The following STX8 variants were observed in gnomAD, a reference collection of about 807,000 sequenced individuals.
The protein encoded by STX8 is syntaxin 8.
A neutral mutation model predicts 37.5 loss-of-function variants in STX8; 23 were observed. The ratio of observed to expected loss-of-function variants is 0.61; its 90% confidence interval spans 0.44 to 0.87. The LOEUF (loss-of-function observed/expected upper bound fraction) is 0.87. STX8 is among the 40% of genes least tolerant of loss of function. The pLI is 0.00. For synonymous variants in STX8, 115 were observed against 99.1 expected (o/e 1.16, Z -0.95); for missense variants, 313 against 284.7 (o/e 1.10, Z -0.71).
In STX8 at chr17:9,557,537, A is replaced by G. The variant is rs1907029230; in HGVS notation, c.118-9T>C. Reference sequence around the variant, plus strand: ...CTGATTGTCACGGTAAGCTGAAAAGAAAAGAACACATCCTAAGTATTCTAG... The same window carrying G: ...CTGATTGTCACGGTAAGCTGAAAAGGAAAGAACACATCCTAAGTATTCTAG... On this transcript the variant is annotated splice_polypyrimidine_tract_variant and intron_variant, in intron 2 of 7. Coordinates refer to ENST00000306357, the MANE Select transcript of STX8 (RefSeq NM_004853.3). 6.2e-7 allele frequency: 1 copy of G among 1,612,240 alleles called. No individual in the cohort carries two copies. Among genetic ancestry groups the G allele is most frequent in the Non-Finnish European group, 8.5e-7 (1 of 1,178,360 alleles).
intron 6 of STX8, among the ~76,000 whole-genome samples, chr17:9,404,950 T>A (rs1912754534): frequency 6.6e-6 from 1 of 152,192 alleles, no homozygotes; most frequent in African/African-American, 2.4e-5. Context: ...GATCCCTATC[T>A]TGAAACCCTT....
chr17:9,285,041 A>AC lies in STX8; in HGVS notation c.644-34397dup, dbSNP rs763532341. ...CCATTCTCCCAGCTTCCCAGGCCCC[A>AC]CCCCCCTGGAGATTCTGATTCAGCG... On this transcript the variant is annotated intron_variant, in intron 7 of 7. Coordinates refer to ENST00000306357, the MANE Select transcript of STX8 (RefSeq NM_004853.3). Among the ~76,000 whole-genome samples, 5 of 151,928 alleles carry AC rather than the reference A, an allele frequency of 3.3e-5. No homozygotes were observed. The South Asian group carries it at 1.0e-3, about 32-fold the overall frequency.
chr17:9,503,060 C>T (rs1259789508), intron 5 of STX8, among the ~76,000 whole-genome samples: 1 of 126,450 alleles, frequency 7.9e-6, no homozygotes, highest in African/African-American at 3.0e-5. Flanking sequence ...GAGCTGAGAT[C>T]GTACCACTGC....
At chr17:9,371,247 A>G (rs1911392582) in intron 7 of STX8, among the ~76,000 whole-genome samples, 1 of 152,198 alleles carries the variant, frequency 6.6e-6, no homozygotes, top group Non-Finnish European at 1.5e-5. Flanking sequence ...AGGCCATTTC[A>G]TGATTCACAA....
rs142878471 is a variant in STX8, at chr17:9,561,089, CACAAA to C, written c.118-3566_118-3562del. ...ACCAAGTATTTCAAAGATTTACACACACAAAACAAAATAACAGAAAAAAAGCTTAA... is the reference window on the plus strand; with the variant it reads ...ACCAAGTATTTCAAAGATTTACACACACAAAATAACAGAAAAAAAGCTTAA... On this transcript the variant is annotated intron_variant, in intron 2 of 7. Transcript: ENST00000306357. Among the ~76,000 whole-genome samples the C allele has an allele frequency of 9.0e-3, 1,372 of 152,082 alleles. 25 individuals carry two copies. Among genetic ancestry groups the C allele is most frequent in the African/African-American group, 0.031 (1,281 of 41,512 alleles).
chr17:9,502,212 G>C (rs1242514361), intron 5 of STX8, among the ~76,000 whole-genome samples: 1 of 152,142 alleles, frequency 6.6e-6, no homozygotes, highest in Admixed American at 6.5e-5. Flanking sequence ...AAGAAAGCCA[G>C]GCAAATACCA....
At chr17:9,291,229 G>A (rs965780790) in intron 7 of STX8, among the ~76,000 whole-genome samples, 13 of 152,142 alleles carry the variant, frequency 8.5e-5, no homozygotes, top group African/African-American at 2.9e-4. Flanking sequence ...AAAGTCACCC[G>A]AGCCGAGGAG....
At chr17:9,291,812 A>C (rs1908321072) in intron 7 of STX8, among the ~76,000 whole-genome samples, 1 of 152,216 alleles carries the variant, frequency 6.6e-6, no homozygotes. Flanking sequence ...TTGGGGAAGA[A>C]ACTGGGCTTT....
At chr17:9,285,242 A>T (rs1908032202) in intron 7 of STX8, among the ~76,000 whole-genome samples, 1 of 152,150 alleles carries the variant, frequency 6.6e-6, no homozygotes, top group Admixed American at 6.6e-5. Context: ...AATCAGCTTC[A>T]GGAAGCCTGG....
At chr17:9,343,018 CAAAAAAA>C (rs4063994) in intron 7 of STX8, among the ~76,000 whole-genome samples, 14 of 110,552 alleles carry the variant, frequency 1.3e-4, no homozygotes, top group Middle Eastern at 4.5e-3. Flanking sequence ...GAAACTGTCT[CAAAAAAA>C]AAAAAAAAAA....
chr17:9,318,722 G>C (rs1356245517), intron 7 of STX8, among the ~76,000 whole-genome samples: 1 of 152,154 alleles, frequency 6.6e-6, no homozygotes, highest in Non-Finnish European at 1.5e-5. Context: ...AAACTATCAA[G>C]CATGAGGATG....
At chr17:9,320,867 C>T (rs1337695959) in intron 7 of STX8, among the ~76,000 whole-genome samples, 1 of 149,782 alleles carries the variant, frequency 6.7e-6, no homozygotes, top group Non-Finnish European at 1.5e-5. Flanking sequence ...TGCCACTGCA[C>T]TCCAGCCTGG....
chr17:9,430,006 T>A (rs1314170577), intron 6 of STX8, among the ~76,000 whole-genome samples: 1 of 20,782 alleles, frequency 4.8e-5, no homozygotes, highest in East Asian at 8.6e-4. Context: ...ATATATATAT[T>A]ATATATTATA....
intron 1 of STX8, chr17:9,569,385 C>T (rs767626518): frequency 1.3e-5 from 2 of 154,602 alleles, no homozygotes; most frequent in Non-Finnish European, 2.9e-5. Context: ...GACACCGAGG[C>T]AAGGTGAAGA....
Position 9,409,488 on chromosome 17 carries a change from C to CA in STX8, c.542-30836dup, listed in dbSNP as rs1042926251. 3.4e-3 allele frequency among the ~76,000 whole-genome samples: 516 copies of CA among 152,064 alleles called. 2 individuals carry two copies. The highest frequency in any genetic ancestry group is 0.012 in the African/African-American group (486 of 41,488). ...TTTATAGCCGCCTATTTTATTTAAA[C>CA]AAAAAATGCTAAACATTAATTTTAG... On this transcript the variant is annotated intron_variant, in intron 6 of 7. Coordinates refer to ENST00000306357, the MANE Select transcript of STX8 (RefSeq NM_004853.3).
At chr17:9,476,948 T>G (rs796555156) in intron 6 of STX8, among the ~76,000 whole-genome samples, 12 of 152,184 alleles carry the variant, frequency 7.9e-5, no homozygotes, top group African/African-American at 2.4e-4. Context: ...CGGGCTCAAG[T>G]GATCTTCCGA....
intron 7 of STX8, among the ~76,000 whole-genome samples, chr17:9,349,049 T>C (rs1012927199): frequency 6.6e-6 from 1 of 152,184 alleles, no homozygotes; most frequent in Non-Finnish European, 1.5e-5. Flanking sequence ...TGGAGTGTAA[T>C]GGCACAATCT....
chr17:9,531,056 T>G (rs77907582), intron 4 of STX8, among the ~76,000 whole-genome samples: 1,596 of 152,362 alleles, frequency 0.01, 24 homozygotes, highest in African/African-American at 0.037. Flanking sequence ...TAATGCCATT[T>G]ATTGAAAAGA....
intron 6 of STX8, chr17:9,461,108 G>A (rs1398494088): frequency 6.6e-6 from 1 of 151,784 alleles, no homozygotes; most frequent in Non-Finnish European, 1.5e-5. Flanking sequence ...CAACGTATAA[G>A]TTTTTAAATA....
Sources: allele counts gnomAD v4.1 joint callset (sites outside exome capture counted in the v4.1 genomes callset), GRCh38; gene constraint gnomAD v4.1.1; transcripts MANE v1.5; gene names NCBI Gene and HGNC (gene_info 2026-07-23, HGNC 2026-07-21).